CLEC20A: variants seen among roughly 807,000 people sequenced by gnomAD.
CLEC20A encodes the protein C-type lectin domain containing 20A, also known as putative C-type lectin domain family 20 member A.
At chr1:178,495,129 C>A (rs1450016412) in intron 1 of CLEC20A, among the ~76,000 whole-genome samples, 2 of 152,244 alleles carry the variant, frequency 1.3e-5, no homozygotes, top group Non-Finnish European at 2.9e-5. Context: ...GGTGAGGTGC[C>A]TTTCCTACAT....
downstream of CLEC20A, chr1:178,479,242 T>C (rs1265800509): frequency 9.7e-6 from 2 of 206,744 alleles, no homozygotes; most frequent in East Asian, 2.0e-4. Context: ...TTTCAGGATT[T>C]TTGATGTTTG....
intron 4 of CLEC20A, among the ~76,000 whole-genome samples, chr1:178,489,749 A>T (rs1649229748): frequency 6.6e-6 from 1 of 152,190 alleles, no homozygotes; most frequent in Admixed American, 6.5e-5. Flanking sequence ...TGCCCACCTT[A>T]TTTCTGTAAA....
intron 5 of CLEC20A, 106 bp from the exon 6 acceptor site, chr1:178,483,388 G>C (rs1474541518): frequency 2.5e-6 from 1 of 395,860 alleles, no homozygotes; most frequent in East Asian, 3.6e-5. Flanking sequence ...GACAGCCACT[G>C]CTAGGCACAC....
At chr1:178,492,653 A>C (rs1649292588) in intron 2 of CLEC20A, 87 bp from the exon 3 acceptor site, 1 of 398,464 alleles carries the variant, frequency 2.5e-6, no homozygotes, top group Admixed American at 4.4e-5. Context: ...GGGAAAACCT[A>C]GCTCAGGGGC....
chr1:178,486,573 C>T (rs1459249697), intron 5 of CLEC20A: 2 of 398,560 alleles, frequency 5.0e-6, no homozygotes, highest in Non-Finnish European at 8.8e-6. Context: ...TTTCTTTGGT[C>T]CCCAGAGAGC....
chr1:178,482,073 A>C (rs1022057262), intron 7 of CLEC20A: 87 of 345,736 alleles, frequency 2.5e-4, no homozygotes, highest in African/African-American at 1.9e-3. Context: ...CCAAAAAAAA[A>C]CAAAAAAACA....
At chr1:178,490,831 G>A (rs558005128) in intron 3 of CLEC20A, among the ~76,000 whole-genome samples, 6 of 152,368 alleles carry the variant, frequency 3.9e-5, no homozygotes, top group African/African-American at 1.4e-4. Flanking sequence ...TGGCAAGATG[G>A]TAGTGACCAT....
intron 1 of CLEC20A, among the ~76,000 whole-genome samples, chr1:178,495,644 G>A (rs557431134): frequency 1.3e-5 from 2 of 152,110 alleles, no homozygotes; most frequent in South Asian, 2.1e-4. Context: ...CATCACAAGG[G>A]CTCAATGTAT....
chr1:178,495,786 G>C (rs573557780), intron 1 of CLEC20A: 46 of 151,618 alleles, frequency 3.0e-4, no homozygotes, highest in African/African-American at 1.1e-3. Context: ...CAAGATCTGT[G>C]TTCCTTCCTT....
intron 7 of CLEC20A, chr1:178,481,168 T>G (rs1648974130): frequency 6.6e-6 from 1 of 152,208 alleles, no homozygotes; most frequent in Non-Finnish European, 1.5e-5. Context: ...TTCAGTTGGT[T>G]ATATGAAATT....
At chr1:178,487,220 T>C (rs1268964519) in intron 5 of CLEC20A, among the ~76,000 whole-genome samples, 1 of 152,164 alleles carries the variant, frequency 6.6e-6, no homozygotes, top group Non-Finnish European at 1.5e-5. Flanking sequence ...GAGGGCCTCC[T>C]GAACCCAATA....
intron 2 of CLEC20A, among the ~76,000 whole-genome samples, chr1:178,493,940 C>T (rs1572159903): frequency 6.6e-6 from 1 of 152,192 alleles, no homozygotes; most frequent in African/African-American, 2.4e-5. Flanking sequence ...TGACTTACAC[C>T]CATTTTTTCT....
chr1:178,486,618 T>A, intron 5 of CLEC20A: 1 of 398,474 alleles, frequency 2.5e-6, no homozygotes. Context: ...CCCGGCTGGA[T>A]GTGGCAGACC....
At chr1:178,481,855 C>G (rs577403922) in intron 7 of CLEC20A, 6 of 152,482 alleles carry the variant, frequency 3.9e-5, no homozygotes, top group African/African-American at 1.2e-4. Flanking sequence ...TGAGCACCAA[C>G]TATGTGTCAG....
chr1:178,496,854 G>A (rs1649406131), intron 1 of CLEC20A, 46 bp downstream of exon 1: 3 of 398,714 alleles, frequency 7.5e-6, no homozygotes, highest in South Asian at 1.3e-4. Context: ...CTCTAGCCCG[G>A]GGGAGCATGG....
chr1:178,490,079 G>A (rs1649236480), exon 4 of CLEC20A: 4 of 398,678 alleles, frequency 1.0e-5, no homozygotes, highest in Non-Finnish European at 1.8e-5. Flanking sequence ...CACCATAGAA[G>A]CAGAAGAAGG....
upstream of CLEC20A, among the ~76,000 whole-genome samples, chr1:178,499,118 C>T (rs1649467526): frequency 1.3e-5 from 2 of 152,184 alleles, no homozygotes; most frequent in Non-Finnish European, 1.5e-5. Flanking sequence ...CAGCCTCACC[C>T]CAGCTCAGGC....
chr1:178,499,487 CAGGCAGAAGAACACGGAAAAACT>C (rs59535070), upstream of CLEC20A: 14,210 of 152,074 alleles, frequency 0.093, 2,140 homozygotes, highest in African/African-American at 0.32. Flanking sequence ...AGAATAAAAG[CAGGCAGAAGAACACGGAAAAACT>C]AGACTGGCTT....
chr1:178,486,292 A>ACACCC (rs1649139989), intron 5 of CLEC20A: 1 of 397,540 alleles, frequency 2.5e-6, no homozygotes. Flanking sequence ...CGCCCACACC[A>ACACCC]CACCCCACCT....
Sources: allele counts gnomAD v4.1 joint callset (sites outside exome capture counted in the v4.1 genomes callset), GRCh38; gene constraint gnomAD v4.1.1; transcripts MANE v1.5; gene names NCBI Gene and HGNC (gene_info 2026-07-23, HGNC 2026-07-21).